LVRN: variants seen among roughly 807,000 people sequenced by gnomAD.
LVRN encodes the protein laeverin.
LVRN carries 99 observed loss-of-function variants against 111.4 expected under a neutral mutation model. The observed-to-expected ratio is 0.89, with a 90% CI of 0.76 to 1.05. The LOEUF (loss-of-function observed/expected upper bound fraction) is 1.05. LVRN is among the 50% of genes least tolerant of loss of function. LVRN has a pLI of 0.00. For synonymous variants in LVRN, 488 were observed against 449.5 expected (o/e 1.09, Z -1.08); for missense variants, 1,414 against 1,206.8 (o/e 1.17, Z -2.54).
In LVRN at chr5:116,001,221, G is replaced by A. The variant is rs767111956; in HGVS notation, c.1802G>A (p.Arg601Gln). 5 of 1,613,620 alleles carry A rather than the reference G, an allele frequency of 3.1e-6. No homozygotes were observed. The South Asian group carries it at 3.3e-5, about 11-fold the overall frequency. Residue 601 changes from arginine to glutamine, a missense_variant, in exon 10 of 20, where the codon CGG becomes CAG. Transcript: ENST00000357872. The stretch of plus-strand genomic sequence containing the variant: ...TTTTATCTTGAAAACATTAAAAATC[G>A]GACTCTTCTAACCAGCAAGTAGGTA... ...EPFYLENIKN[R>Q]TLLTSNDTWI...
chr5:116,008,186 C>T lies in LVRN; in HGVS notation c.2093+2219C>T, dbSNP rs192372479. On this transcript the variant is annotated intron_variant, in intron 13 of 19. Coordinates refer to ENST00000357872, the MANE Select transcript of LVRN (RefSeq NM_173800.5). ...GCAAACCCCATCTCTACTAAAAATA[C>T]AAAAAAAATCAGCCAGGTGTGGTGG... Among the ~76,000 whole-genome samples, 773 of 151,524 alleles carry T rather than the reference C, an allele frequency of 5.1e-3. 8 individuals are homozygous for T. The highest frequency in any genetic ancestry group is 0.018 in the African/African-American group (749 of 41,280).
intron 19 of LVRN, among the ~76,000 whole-genome samples, chr5:116,023,981 C>A (rs1580404625): frequency 6.6e-6 from 1 of 152,132 alleles, no homozygotes; most frequent in African/African-American, 2.4e-5. Context: ...ATTTGTGTAG[C>A]AACATGGATG....
At position 115,962,675 on chromosome 5, in the gene LVRN, G is replaced by A; in HGVS notation, c.58G>A (p.Ala20Thr). 3 of 1,610,432 alleles carry A rather than the reference G, an allele frequency of 1.9e-6. No homozygotes were observed. The highest frequency in any genetic ancestry group is 2.5e-6 in the Non-Finnish European group (3 of 1,179,644). Reference protein sequence around the residue: ...YVSRAVALLLAGLVAALLLAL... With the variant: ...YVSRAVALLLTGLVAALLLAL... ...GAGCCGCGCAGTGGCCCTGCTGCTGGCTGGGCTGGTAGCCGCCCTCCTGCT... is the reference window on the plus strand; with the variant it reads ...GAGCCGCGCAGTGGCCCTGCTGCTGACTGGGCTGGTAGCCGCCCTCCTGCT... Residue 20 changes from alanine (A) to threonine (T), a missense_variant, in exon 1 of 20, where the codon GCT (alanine) becomes ACT (threonine). Transcript: ENST00000357872.
chr5:115,968,200 C>G lies in LVRN; in HGVS notation c.695+4888C>G, dbSNP rs111921010. Among the ~76,000 whole-genome samples, 983 of 152,182 alleles carry G rather than the reference C, an allele frequency of 6.5e-3. 13 individuals carry two copies. Among genetic ancestry groups the G allele is most frequent in the African/African-American group, 0.022 (931 of 41,514 alleles). On this transcript the variant is annotated intron_variant, in intron 1 of 19. Transcript: ENST00000357872. ...GTGGGAAAGTTTTTAGCCTTTACAA[C>G]TGAGCATAATATTAAATGTAGGTTT...
At chr5:115,989,568 G>C (rs1343282110) in intron 4 of LVRN, among the ~76,000 whole-genome samples, 1 of 152,060 alleles carries the variant, frequency 6.6e-6, no homozygotes, top group Non-Finnish European at 1.5e-5. Context: ...GGATCTGAAG[G>C]GTCTTTTTCT....
At position 115,993,752 on chromosome 5, in the gene LVRN, C is replaced by G; in HGVS notation, c.1272C>G (p.Asn424Lys). The G allele has an allele frequency of 6.2e-7, 1 of 1,602,932 alleles. No individual in the cohort carries two copies. Among genetic ancestry groups the G allele is most frequent in the South Asian group, 1.1e-5 (1 of 87,472 alleles). ...SHEIGHQWFG[N>K]LVTMNWWNNI... is the part of the protein sequence containing the mutation. The stretch of plus-strand genomic sequence containing the variant: ...CTCATTTCCAAAAGTGGTTTGGAAA[C>G]TTGGTTACCATGAATTGGTGGAACA... The change falls in exon 6 of 20, where the codon AAC becomes AAG. Residue 424 changes from asparagine to lysine, a missense_variant. Coordinates refer to ENST00000357872, the MANE Select transcript of LVRN (RefSeq NM_173800.5).
intron 4 of LVRN, among the ~76,000 whole-genome samples, chr5:115,990,479 G>A (rs776099220): frequency 6.6e-5 from 10 of 152,004 alleles, no homozygotes; most frequent in Non-Finnish European, 1.5e-4. Context: ...TTGTCTAATC[G>A]CTTGTGGTAT....
At position 116,008,304 on chromosome 5, in the gene LVRN, G is replaced by A. The variant is rs140086557; in HGVS notation, c.2093+2337G>A. Among the ~76,000 whole-genome samples, 480 of 152,112 alleles carry A rather than the reference G, an allele frequency of 3.2e-3. 2 individuals carry two copies. The highest frequency in any genetic ancestry group is 0.011 in the African/African-American group (451 of 41,524). On this transcript the variant is annotated intron_variant, in intron 13 of 19. Coordinates refer to ENST00000357872, the MANE Select transcript of LVRN (RefSeq NM_173800.5). ...GCTTGCAGTGAGCAGAGATCATGCC[G>A]CTGCACTCCAGCCTGGGTGACAGAG...
In LVRN at chr5:116,012,414, A is replaced by T. The variant is rs1234244664; in HGVS notation, c.2288A>T (p.Tyr763Phe). Residue 763 changes from tyrosine (Y) to phenylalanine (F), a missense_variant, in exon 15 of 20, where the codon TAT (tyrosine) becomes TTT (phenylalanine). Physicochemically the swap from Tyr to Phe is conservative, Grantham distance 22. Transcript: ENST00000357872. ...LKRLNLIWNI[Y>F]STIIRENVLA... ...AGACTTAATTTAATATGGAATATTT[A>T]TTCAACTATAATTCGTGAAAATGTG... is the stretch of plus-strand genomic sequence containing the variant. 1 of 1,544,256 alleles carries T rather than the reference A, an allele frequency of 6.5e-7. No individual in the cohort carries two copies. Among genetic ancestry groups the T allele is most frequent in the East Asian group, 2.3e-5 (1 of 43,972 alleles).
Position 115,963,131 on chromosome 5 carries a change from G to T in LVRN, c.514G>T (p.Gly172Cys), listed in dbSNP as rs1753125816. 2.5e-6 allele frequency: 4 copies of T among 1,613,354 alleles called. No individual in the cohort carries two copies. The African/African-American group carries it at 4.0e-5, about 16-fold the overall frequency. Reference protein sequence around the residue: ...LSPGTGNATVGRVPVDDVWFA... With the variant: ...LSPGTGNATVCRVPVDDVWFA... ...CCCGGGCACTGGGAACGCCACAGTG[G>T]GCCGCGTGCCCGTGGACGACGTGTG... is the stretch of plus-strand genomic sequence containing the variant. The change falls in exon 1 of 20, where the codon GGC (glycine) becomes TGC (cysteine). Residue 172 changes from glycine to cysteine, a missense_variant. Physicochemically the swap from Gly to Cys is radical, Grantham distance 159 (BLOSUM62 -3). Transcript: ENST00000357872.
At chr5:116,000,931 C>T in intron 9 of LVRN, 136 bp from the exon 10 acceptor site, 3 of 948,208 alleles carry the variant, frequency 3.2e-6, no homozygotes, top group Non-Finnish European at 3.1e-6. Flanking sequence ...TCTAAATTTG[C>T]CCCAGAGGAT....
At chr5:116,003,668 G>A (rs1430340287) in intron 12 of LVRN, among the ~76,000 whole-genome samples, 2 of 149,736 alleles carry the variant, frequency 1.3e-5, no homozygotes, top group African/African-American at 2.5e-5. Context: ...TGCAAGCTCC[G>A]CCTCCCGGGT....
Position 115,992,688 on chromosome 5 carries a change from T to G in LVRN, c.1260+411T>G, listed in dbSNP as rs144069494. Among the ~76,000 whole-genome samples, 15 of 152,318 alleles carry G rather than the reference T, an allele frequency of 9.8e-5. No individual in the cohort carries two copies. The East Asian group carries it at 2.9e-3, about 29-fold the overall frequency. On this transcript the variant is annotated intron_variant, in intron 5 of 19. Transcript: ENST00000357872. ...AATTTCTAGTTGTTGTTGCTGTTGT[T>G]GGAGAGAGGTTAAATGGATACAGGT...
intron 3 of LVRN, among the ~76,000 whole-genome samples, chr5:115,986,578 G>A (rs1273120364): frequency 6.6e-6 from 1 of 152,186 alleles, no homozygotes; most frequent in Admixed American, 6.5e-5. Context: ...TTTGGCTACA[G>A]CTCAGCTTTA....
chr5:116,004,164 A>G (rs1748306685), intron 12 of LVRN, among the ~76,000 whole-genome samples: 1 of 152,200 alleles, frequency 6.6e-6, no homozygotes, highest in Non-Finnish European at 1.5e-5. Context: ...ACATATTTCC[A>G]CTCTCCTTCA....
At chr5:116,000,281 T>A in intron 7 of LVRN, 152 bp from the exon 8 acceptor site, 1 of 1,068,992 alleles carries the variant, frequency 9.4e-7, no homozygotes, top group Non-Finnish European at 1.4e-6. Flanking sequence ...AGCCTACTAT[T>A]TTGTTAGCAC....
chr5:115,997,659 C>T (rs774256675), intron 6 of LVRN, among the ~76,000 whole-genome samples: 6 of 149,770 alleles, frequency 4.0e-5, no homozygotes, highest in Non-Finnish European at 5.9e-5. Flanking sequence ...GTGAGACTCT[C>T]CAAAAAAAAA....
intron 15 of LVRN, among the ~76,000 whole-genome samples, 158 bp from the exon 16 acceptor site, chr5:116,014,262 A>G (rs1748552343): frequency 6.6e-6 from 1 of 152,230 alleles, no homozygotes; most frequent in Non-Finnish European, 1.5e-5. Context: ...TCTTAAATAC[A>G]TCTGTCATCC....
At chr5:116,014,835 T>C (rs1748565854) in intron 16 of LVRN, among the ~76,000 whole-genome samples, 1 of 152,126 alleles carries the variant, frequency 6.6e-6, no homozygotes, top group Non-Finnish European at 1.5e-5. Context: ...TCTTTATGAT[T>C]GTTTATGATT....
Sources: gnomAD v4.1 joint callset for allele counts (sites outside exome capture counted in the v4.1 genomes callset) on GRCh38, gnomAD v4.1.1 for gene constraint, MANE v1.5 for transcripts, NCBI Gene and HGNC (gene_info 2026-07-23, HGNC 2026-07-21) for gene names.